Variants in KIF27 observed in about 807,000 individuals in gnomAD.
KIF27 encodes kinesin-like protein KIF27.
KIF27 carries 84 observed loss-of-function variants against 141.8 expected under a neutral mutation model. The observed-to-expected ratio is 0.59, with a 90% CI of 0.50 to 0.71. The LOEUF (loss-of-function observed/expected upper bound fraction) is 0.71, where lower values mean the gene tolerates loss of function less well. Among genes scored for constraint, KIF27 ranks in the 30% least tolerant of loss-of-function variants. The pLI is 0.00. For missense variants in KIF27, 1,306 were observed against 1,628.4 expected (o/e 0.80, Z 3.41); for synonymous variants, 471 against 569.5 (o/e 0.83, Z 2.46).
chr9:83,839,866 C>T (rs1946361374), intron 17 of KIF27, among the ~76,000 whole-genome samples: 1 of 152,110 alleles, frequency 6.6e-6, no homozygotes, highest in Non-Finnish European at 1.5e-5. Flanking sequence ...TCGTTTGAAC[C>T]TGGGAGGTGG....
chr9:83,843,573 AAT>A (rs1246285783), intron 16 of KIF27, among the ~76,000 whole-genome samples: 12 of 152,208 alleles, frequency 7.9e-5, no homozygotes, highest in Non-Finnish European at 5.9e-5. Flanking sequence ...TGTTTTAAAA[AAT>A]ACTTAAAATT....
intron 10 of KIF27, among the ~76,000 whole-genome samples, chr9:83,882,423 TCTGA>T (rs1462622128): frequency 1.3e-5 from 2 of 152,208 alleles, no homozygotes; most frequent in African/African-American, 4.8e-5. Flanking sequence ...ACTATGGGAC[TCTGA>T]CTGAGTTATT....
intron 5 of KIF27, 54 bp from the exon 6 acceptor site, chr9:83,891,555 AT>A: frequency 6.8e-7 from 1 of 1,472,034 alleles, no homozygotes; most frequent in Non-Finnish European, 9.2e-7. Flanking sequence ...GTACATTTAG[AT>A]TATGATTAAA....
chr9:83,920,768 G>A (rs1247062216), intron 1 of KIF27, among the ~76,000 whole-genome samples: 11 of 152,120 alleles, frequency 7.2e-5, no homozygotes, highest in Admixed American at 6.5e-4. Flanking sequence ...GCTCTTTATA[G>A]TCACCTGCCT....
intron 5 of KIF27, among the ~76,000 whole-genome samples, chr9:83,892,256 T>G (rs1266401243): frequency 6.6e-6 from 1 of 152,198 alleles, no homozygotes; most frequent in Non-Finnish European, 1.5e-5. Flanking sequence ...AACCTTACAT[T>G]TTCATTGTAT....
chr9:83,899,711 T>C lies in KIF27; in HGVS notation c.1552A>G (p.Lys518Glu), dbSNP rs371540279. 6.2e-7 allele frequency: 1 copy of C among 1,613,584 alleles called. No individual in the cohort carries two copies. Among genetic ancestry groups the C allele is most frequent in the Non-Finnish European group, 8.5e-7 (1 of 1,179,682 alleles). ...NQVQMMVQEN[K>E]GHAVSLKEAQ... is the part of the protein sequence containing the mutation. ...TCTTTCAAAGATACAGCATGCCCTTTGTTTTCCTGTACCATCATCTGCACT... is the reference window on the plus strand; with the variant it reads ...TCTTTCAAAGATACAGCATGCCCTTCGTTTTCCTGTACCATCATCTGCACT... The change falls in exon 5 of 18, where the codon AAA becomes GAA. Residue 518 changes from lysine to glutamate, a missense_variant. Lys to Glu is a moderately conservative substitution (Grantham distance 56). This residue lies in a region of KIF27 where 29 missense variants were observed against 60.3 expected (regional missense o/e 0.48). Coordinates refer to ENST00000297814, the MANE Select transcript of KIF27 (RefSeq NM_017576.4).
chr9:83,848,316 C>CATATATCT (rs1249053361), intron 16 of KIF27, among the ~76,000 whole-genome samples: 1 of 103,970 alleles, frequency 9.6e-6, no homozygotes, highest in East Asian at 2.4e-4. Context: ...TATGATATAT[C>CATATATCT]ATATATCTAT....
chr9:83,861,179 C>A lies in KIF27; in HGVS notation c.2935-1808G>T, dbSNP rs1425138683. On this transcript the variant is annotated intron_variant, in intron 13 of 17. Transcript: ENST00000297814. ...TTGCTGGCCCCTTGATGGGCTATTT[C>A]TTTATATATATATATATAACTTTAA... 1.8e-3 allele frequency among the ~76,000 whole-genome samples: 245 copies of A among 139,262 alleles called. 1 individual carries two copies. The highest frequency in any genetic ancestry group is 6.3e-3 in the African/African-American group (228 of 36,466). 91.4% of individuals were successfully genotyped at this position (139,262 alleles called of 152,430 possible). A position where few individuals can be genotyped will look rare whatever the true frequency, so the allele number is the denominator to read the frequency against.
chr9:83,897,555 G>A (rs895965733), intron 5 of KIF27, among the ~76,000 whole-genome samples: 1 of 151,962 alleles, frequency 6.6e-6, no homozygotes, highest in Non-Finnish European at 1.5e-5. Context: ...AAACAACTGG[G>A]GAAAGGAAAA....
intron 4 of KIF27, among the ~76,000 whole-genome samples, chr9:83,901,871 CA>C (rs886403198): frequency 3.2e-4 from 44 of 139,254 alleles, no homozygotes; most frequent in Admixed American, 4.3e-4. Flanking sequence ...GATTCCATCT[CA>C]AAAAAAAAAA....
intron 5 of KIF27, among the ~76,000 whole-genome samples, chr9:83,898,031 G>C (rs1054162750): frequency 1.3e-5 from 2 of 151,988 alleles, no homozygotes; most frequent in African/African-American, 4.8e-5. Context: ...AAACAATCTG[G>C]TATCACCTAC....
In KIF27 at chr9:83,860,144, A is replaced by G. The variant is rs368413399; in HGVS notation, c.2935-773T>C. ...GGTCAGATTTATGGAGATGTTCACTATGGTCAAATATCAGGTAATTTGTAA... is the reference window on the plus strand; with the variant it reads ...GGTCAGATTTATGGAGATGTTCACTGTGGTCAAATATCAGGTAATTTGTAA... On this transcript the variant is annotated intron_variant, in intron 13 of 17. Coordinates refer to ENST00000297814, the MANE Select transcript of KIF27 (RefSeq NM_017576.4). 6 of 152,174 alleles carry G rather than the reference A, an allele frequency of 3.9e-5. No homozygotes were observed. In the East Asian group the frequency reaches 5.8e-4, roughly 15 times the overall value. The allele number at this position is 152,174 out of a possible 1,614,324, so 9.4% of individuals were successfully genotyped here.
intron 8 of KIF27, among the ~76,000 whole-genome samples, 191 bp downstream of exon 8, chr9:83,888,296 CTT>C (rs1378286269): frequency 6.6e-6 from 1 of 151,812 alleles, no homozygotes; most frequent in Non-Finnish European, 1.5e-5. Flanking sequence ...GATAGAAAAT[CTT>C]TTTTTATTAA....
At chr9:83,890,819 G>A (rs1952604797) in intron 6 of KIF27, among the ~76,000 whole-genome samples, 1 of 152,168 alleles carries the variant, frequency 6.6e-6, no homozygotes, top group African/African-American at 2.4e-5. Flanking sequence ...AAAACTGTGT[G>A]TGTATATATT....
chr9:83,903,838 T>C lies in KIF27; in HGVS notation c.680A>G (p.Asp227Gly). Reference protein sequence around the residue: ...QVHKNMEAAEDGSWYSPRHIV... With the variant: ...QVHKNMEAAEGGSWYSPRHIV... ...ATGCCGAGGGGAATACCATGATCCA[T>C]CTTCAGCTGCCTCCATATTTTTATG... is the stretch of plus-strand genomic sequence containing the variant. Residue 227 changes from aspartate (D) to glycine (G), a missense_variant, in exon 4 of 18, where the codon GAT becomes GGT. By Grantham distance (94) the Asp-to-Gly change is moderately conservative (BLOSUM62 -1). Around this residue, in one of 4 missense-constraint regions of KIF27, gnomAD observed 533 missense variants for 565.6 expected, o/e 0.94. Transcript: ENST00000297814. The C allele has an allele frequency of 1.2e-6, 2 of 1,614,158 alleles. No individual in the cohort carries two copies. The highest frequency in any genetic ancestry group is 1.7e-6 in the Non-Finnish European group (2 of 1,180,018).
intron 16 of KIF27, among the ~76,000 whole-genome samples, chr9:83,843,871 T>G (rs1946879099): frequency 6.6e-6 from 1 of 152,270 alleles, no homozygotes; most frequent in East Asian, 1.9e-4. Context: ...CACAGGCACA[T>G]GCCACCATGC....
At chr9:83,841,319 C>T (rs900465871) in intron 17 of KIF27, among the ~76,000 whole-genome samples, 1 of 152,216 alleles carries the variant, frequency 6.6e-6, no homozygotes, top group African/African-American at 2.4e-5. Flanking sequence ...GATCCACCCG[C>T]CTTGGCCTCC....
intron 16 of KIF27, among the ~76,000 whole-genome samples, chr9:83,845,028 T>G (rs1947073559): frequency 6.6e-6 from 1 of 152,204 alleles, no homozygotes; most frequent in African/African-American, 2.4e-5. Context: ...TCCAGGATGC[T>G]GTGCAAGCTG....
At chr9:83,849,053 A>G (rs1321322822) in intron 16 of KIF27, 2 of 152,066 alleles carry the variant, frequency 1.3e-5, no homozygotes, top group African/African-American at 2.4e-5. Context: ...GGCTCAAGCA[A>G]TCCTCTTGAC....
Sources: gnomAD v4.1 joint callset for allele counts (sites outside exome capture counted in the v4.1 genomes callset) on GRCh38, gnomAD v4.1.1 for gene constraint, gnomAD v4.1.1 regional missense constraint, MANE v1.5 for transcripts, NCBI Gene and HGNC (gene_info 2026-07-23, HGNC 2026-07-21) for gene names.